The following DEPDC5 variants were observed in gnomAD, a reference collection of about 807,000 sequenced individuals.
The protein encoded by DEPDC5 is GATOR1 complex protein DEPDC5.
Under a neutral mutation model 217.3 loss-of-function variants are expected in DEPDC5, and 73 were observed. The observed-to-expected ratio is 0.34, with a 90% CI of 0.28 to 0.41. DEPDC5 has a LOEUF of 0.41. Among genes scored for constraint, DEPDC5 ranks in the 10% least tolerant of loss-of-function variants. DEPDC5 has a pLI of 1.00. For synonymous variants in DEPDC5, 733 were observed against 756.7 expected (o/e 0.97, Z 0.51); for missense variants, 1,675 against 2,070.1 (o/e 0.81, Z 3.70).
Position 31,857,552 on chromosome 22 carries a change from A to G in DEPDC5, c.3263A>G (p.Lys1088Arg). ...MTPTYMDSPRKDGAFFMEFVR... is the reference protein window; with the variant it reads ...MTPTYMDSPRRDGAFFMEFVR... ...CCCACCTACATGGACAGCCCACGAA[A>G]GGTAAAGGAAGCCGCGGTAGCAGGG... Residue 1088 changes from lysine (K) to arginine (R), a missense_variant and splice_region_variant, in exon 32 of 43, where the codon AAG (lysine) becomes AGG (arginine). By Grantham distance (26) the Lys-to-Arg change is conservative. Around this residue, in one of 11 missense-constraint regions of DEPDC5, gnomAD observed 126 missense variants for 113.8 expected, o/e 1.11. Coordinates refer to ENST00000651528, the MANE Select transcript of DEPDC5 (RefSeq NM_001242896.3). The G allele has an allele frequency of 1.2e-6, 2 of 1,608,656 alleles. No homozygotes were observed. Among genetic ancestry groups the G allele is most frequent in the Non-Finnish European group, 1.7e-6 (2 of 1,177,494 alleles).
chr22:31,790,375 C>T (rs2085474878), intron 10 of DEPDC5, among the ~76,000 whole-genome samples: 1 of 152,114 alleles, frequency 6.6e-6, no homozygotes, highest in Admixed American at 6.6e-5. Context: ...TGTTGCAAGC[C>T]ACTTTTGATG....
At chr22:31,794,161 A>T (rs534046055) in intron 12 of DEPDC5, among the ~76,000 whole-genome samples, 1 of 152,216 alleles carries the variant, frequency 6.6e-6, no homozygotes, top group African/African-American at 2.4e-5. Context: ...CCTCAACCTC[A>T]TACAGATTAT....
intron 18 of DEPDC5, among the ~76,000 whole-genome samples, chr22:31,807,263 A>T (rs1265349010): frequency 6.6e-6 from 1 of 152,204 alleles, no homozygotes; most frequent in Non-Finnish European, 1.5e-5. Flanking sequence ...GATGTAAGGA[A>T]ATAATTGAAG....
chr22:31,897,490 T>G lies in DEPDC5; in HGVS notation c.4212T>G (p.Gly1404=), dbSNP rs2093574436. Residue 1404 remains glycine (G), a synonymous_variant, in exon 40 of 43, where the codon GGT becomes GGG. Coordinates refer to ENST00000651528, the MANE Select transcript of DEPDC5 (RefSeq NM_001242896.3). ...TAAVLFEMVQ[G]WHRKATSCGF... ...TCTGTACTTTCCGCCAGGTCCAAGG[T>G]TGGCATCGGAAAGCCACCTCCTGTG... 6.2e-7 allele frequency: 1 copy of G among 1,612,678 alleles called. No homozygotes were observed. The highest frequency in any genetic ancestry group is 1.3e-5 in the African/African-American group (1 of 74,890).
chr22:31,815,774 A>G lies in DEPDC5; in HGVS notation c.1666+562A>G, dbSNP rs531658521. ...TTGAACTCCTGGACTCGAGGGATCC[A>G]CCCATTGGCCTCCAAAAGTGCTGAG... is the stretch of plus-strand genomic sequence containing the variant. On this transcript the variant is annotated intron_variant, in intron 21 of 42. Coordinates refer to ENST00000651528, the MANE Select transcript of DEPDC5 (RefSeq NM_001242896.3). The G allele has an allele frequency of 4.9e-6, 6 of 1,221,870 alleles. No homozygotes were observed. The African/African-American group carries it at 9.5e-5, about 19-fold the overall frequency. The allele number at this position is 1,221,870 out of a possible 1,614,324, so 75.7% of individuals were successfully genotyped here.
chr22:31,821,076 C>A (rs914026377), intron 22 of DEPDC5, among the ~76,000 whole-genome samples: 1 of 152,186 alleles, frequency 6.6e-6, no homozygotes, highest in African/African-American at 2.4e-5. Flanking sequence ...CCTACTCTGC[C>A]TTTTTTGCAC....
chr22:31,884,217 C>A (rs375828384), intron 38 of DEPDC5, among the ~76,000 whole-genome samples: 2 of 152,210 alleles, frequency 1.3e-5, no homozygotes, highest in African/African-American at 2.4e-5. Flanking sequence ...CTGCCTCCCC[C>A]TGATGCAGCA....
At chr22:31,882,114 A>G (rs1353045099) in intron 38 of DEPDC5, among the ~76,000 whole-genome samples, 1 of 152,238 alleles carries the variant, frequency 6.6e-6, no homozygotes, top group African/African-American at 2.4e-5. Flanking sequence ...TACAGTGTTA[A>G]TCATTCACTT....
chr22:31,808,067 A>G (rs190542259), intron 18 of DEPDC5, among the ~76,000 whole-genome samples: 57 of 152,252 alleles, frequency 3.7e-4, no homozygotes, highest in African/African-American at 1.3e-3. Context: ...ATTCTCAGCA[A>G]AGTAGAACAT....
At chr22:31,766,301 T>A (rs933289151) in intron 5 of DEPDC5, among the ~76,000 whole-genome samples, 4 of 152,180 alleles carry the variant, frequency 2.6e-5, no homozygotes, top group Non-Finnish European at 5.9e-5. Context: ...GTAAGTGTCA[T>A]GTTTGTGTGC....
Position 31,870,648 on chromosome 22 carries a change from C to G in DEPDC5, c.3389C>G (p.Thr1130Arg). The change falls in exon 34 of 43, where the codon ACA (threonine) becomes AGA (arginine). Residue 1130 changes from threonine to arginine, a missense_variant. Thr to Arg is a moderately conservative substitution (Grantham distance 71). Transcript: ENST00000651528. Reference sequence around the variant, plus strand: ...GACGGCACCAGTTTGGGCATATGCACAGGCCAATCCATGGACAGAGGCAAC... The same window carrying G: ...GACGGCACCAGTTTGGGCATATGCAGAGGCCAATCCATGGACAGAGGCAAC... ...MLDGTSLGIC[T>R]GQSMDRGNSQ... 6.2e-7 allele frequency: 1 copy of G among 1,605,724 alleles called. No homozygotes were observed. Among genetic ancestry groups the G allele is most frequent in the Non-Finnish European group, 8.5e-7 (1 of 1,176,652 alleles).
Position 31,771,634 on chromosome 22 carries a change from C to T in DEPDC5, c.413+2771C>T, listed in dbSNP as rs547694049. Among the ~76,000 whole-genome samples, 15 of 151,494 alleles carry T rather than the reference C, an allele frequency of 9.9e-5. 1 individual carries two copies. The highest frequency in any genetic ancestry group is 3.4e-4 in the African/African-American group (14 of 41,320). On this transcript the variant is annotated intron_variant, in intron 7 of 42. Coordinates refer to ENST00000651528, the MANE Select transcript of DEPDC5 (RefSeq NM_001242896.3). The stretch of plus-strand genomic sequence containing the variant: ...ACTCGGGAGGCTGAGGCAGGAGAAT[C>T]GCTTGAACCAGGGAGTCAGAGGTTG...
intron 4 of DEPDC5, among the ~76,000 whole-genome samples, chr22:31,763,191 A>G (rs1468897746): frequency 1.3e-5 from 2 of 151,958 alleles, no homozygotes; most frequent in Non-Finnish European, 2.9e-5. Flanking sequence ...GGGTTTCACT[A>G]TGTTGTCCAG....
Position 31,861,160 on chromosome 22 carries a change from C to T in DEPDC5, c.3265-208C>T, listed in dbSNP as rs566021845. Among the ~76,000 whole-genome samples the T allele has an allele frequency of 6.0e-4, 90 of 151,052 alleles. 1 individual carries two copies. Among genetic ancestry groups the T allele is most frequent in the South Asian group, 1.9e-3 (9 of 4,712 alleles). On this transcript the variant is annotated intron_variant, in intron 32 of 42. Coordinates refer to ENST00000651528, the MANE Select transcript of DEPDC5 (RefSeq NM_001242896.3). ...ATTTGGATATTGTCTTTCTGGGTGG[C>T]GCTCTCTCTCTCTCTCTCTTTTTTT...
intron 10 of DEPDC5, among the ~76,000 whole-genome samples, chr22:31,787,605 G>A (rs756323918): frequency 9.2e-5 from 14 of 151,990 alleles, no homozygotes; most frequent in Non-Finnish European, 2.1e-4. Flanking sequence ...CCAAAAGTTC[G>A]AGTAACCCAG....
intron 31 of DEPDC5, among the ~76,000 whole-genome samples, chr22:31,853,628 T>C (rs1344645671): frequency 6.6e-6 from 1 of 152,242 alleles, no homozygotes; most frequent in African/African-American, 2.4e-5. Flanking sequence ...TAACTGTGTA[T>C]ATTTCTTCCA....
At chr22:31,792,177 AT>A in intron 11 of DEPDC5, 75 bp downstream of exon 11, 7 of 1,133,102 alleles carry the variant, frequency 6.2e-6, no homozygotes, top group Non-Finnish European at 7.9e-6. Context: ...ATTTCCTTTC[AT>A]TTTTTTCCTC....
intron 24 of DEPDC5, 185 bp downstream of exon 24, chr22:31,822,975 T>G (rs2089839308): frequency 1.7e-6 from 1 of 578,220 alleles, no homozygotes; most frequent in African/African-American, 1.9e-5. Flanking sequence ...ACGTTAACAT[T>G]TTTAGCTCAG....
rs1186651163 is a variant in DEPDC5 at position 31,838,666 on chromosome 22, A to G, written c.2355-19A>G. On this transcript the variant is annotated intron_variant, in intron 26 of 42. Transcript: ENST00000651528. ...TCTCGGGCCAAGCATCTGTATGAGC[A>G]ATCATCTGTTGTTTTCAGGAGGGAC... The G allele has an allele frequency of 3.7e-6, 6 of 1,612,842 alleles. No homozygotes were observed. The South Asian group carries it at 5.5e-5, about 15-fold the overall frequency.
Sources: gnomAD v4.1 joint callset for allele counts (sites outside exome capture counted in the v4.1 genomes callset) on GRCh38, gnomAD v4.1.1 for gene constraint, gnomAD v4.1.1 regional missense constraint, MANE v1.5 for transcripts, NCBI Gene and HGNC (gene_info 2026-07-23, HGNC 2026-07-21) for gene names.